Variants in FRMD6 observed in about 807,000 individuals in gnomAD.
FRMD6 encodes the protein FERM domain containing 6.
FRMD6 carries 37 observed loss-of-function variants against 73.2 expected under a neutral mutation model. That is an observed-to-expected ratio of 0.51 (90% CI 0.39 to 0.66). The LOEUF (loss-of-function observed/expected upper bound fraction) is 0.66, where lower values mean the gene tolerates loss of function less well. FRMD6 is among the 30% of genes least tolerant of loss of function. The pLI, the probability that FRMD6 is intolerant of heterozygous loss-of-function variation, is 0.00. For missense variants in FRMD6, 714 were observed against 780.5 expected, an observed-to-expected ratio of 0.91 and a Z score of 1.02; for synonymous variants, 273 against 282.2, an observed-to-expected ratio of 0.97 and a Z score of 0.33.
the FRMD6 span, among the ~76,000 whole-genome samples, chr14:51,462,236 A>T: frequency 6.6e-6 from 1 of 152,228 alleles, no homozygotes; most frequent in Non-Finnish European, 1.5e-5. Flanking sequence ...TAAGTGTGTG[A>T]TCCAGTCATG....
chr14:51,513,479 C>T (rs969824437), intron 1 of FRMD6, among the ~76,000 whole-genome samples: 10 of 152,186 alleles, frequency 6.6e-5, no homozygotes, highest in Admixed American at 3.9e-4. Context: ...CAGAAAACCC[C>T]GGGCCAGGCC....
intron 1 of FRMD6, among the ~76,000 whole-genome samples, chr14:51,492,106 G>A (rs1188485188): frequency 1.3e-5 from 2 of 152,142 alleles, no homozygotes; most frequent in East Asian, 1.9e-4. Flanking sequence ...TGCTGTTTCC[G>A]GAGACAGAGT....
intron 1 of FRMD6, among the ~76,000 whole-genome samples, chr14:51,556,029 C>G (rs188445963): frequency 6.6e-6 from 1 of 152,202 alleles, no homozygotes; most frequent in Non-Finnish European, 1.5e-5. Flanking sequence ...CTCAGCTACT[C>G]ATAATCTCCT....
intron 1 of FRMD6, among the ~76,000 whole-genome samples, chr14:51,550,556 C>T (rs909052170): frequency 6.8e-5 from 10 of 146,276 alleles, no homozygotes; most frequent in African/African-American, 2.3e-4. Context: ...GTGCCAGCCT[C>T]ATCAGAGGGC....
intron 1 of FRMD6, among the ~76,000 whole-genome samples, chr14:51,671,250 C>T (rs986992260): frequency 4.6e-5 from 7 of 151,634 alleles, no homozygotes; most frequent in Admixed American, 4.6e-4. Context: ...ATGATGGCCT[C>T]ATAGAAAGAG....
At chr14:51,700,975 A>G (rs1345755040) in intron 3 of FRMD6, 81 bp from the exon 4 acceptor site, 2 of 639,158 alleles carry the variant, frequency 3.1e-6, no homozygotes, top group Non-Finnish European at 2.5e-6. Flanking sequence ...GAGGCTTTAA[A>G]AGAAACTTGT....
the FRMD6 span, among the ~76,000 whole-genome samples, chr14:51,398,962 C>A: frequency 5.1e-3 from 781 of 152,276 alleles, 4 homozygotes; most frequent in African/African-American, 0.018. Flanking sequence ...CTAAGTCTCT[C>A]CAGGATCGGG....
intron 2 of FRMD6, chr14:51,576,332 A>T (rs1888401921): frequency 6.6e-6 from 1 of 152,138 alleles, no homozygotes. Context: ...AGGCCAGGGG[A>T]TCTGATGGGT....
the FRMD6 span, among the ~76,000 whole-genome samples, chr14:51,452,940 T>C: frequency 6.6e-6 from 1 of 152,006 alleles, no homozygotes. Flanking sequence ...CTCTCAGTGG[T>C]TTGATTGTGG....
intron 2 of FRMD6, among the ~76,000 whole-genome samples, chr14:51,697,074 A>G (rs1446552777): frequency 6.6e-6 from 1 of 152,206 alleles, no homozygotes; most frequent in Non-Finnish European, 1.5e-5. Context: ...GGGAATGTAA[A>G]TTAGTACAGA....
the FRMD6 span, among the ~76,000 whole-genome samples, chr14:51,398,295 C>T: frequency 3.9e-5 from 6 of 152,096 alleles, no homozygotes; most frequent in South Asian, 2.1e-4. Flanking sequence ...TCCCCACCCA[C>T]GATCCCCTCC....
At chr14:51,548,053 G>T (rs1051162575) in intron 1 of FRMD6, among the ~76,000 whole-genome samples, 1 of 152,102 alleles carries the variant, frequency 6.6e-6, no homozygotes, top group Non-Finnish European at 1.5e-5. Flanking sequence ...ATGTGTGCCC[G>T]CATCAAGCAG....
chr14:51,572,021 GT>G (rs781012407), intron 2 of FRMD6, among the ~76,000 whole-genome samples: 86 of 152,362 alleles, frequency 5.6e-4, no homozygotes, highest in Non-Finnish European at 7.9e-4. Flanking sequence ...TTCTATGAAG[GT>G]TTGTTATTAT....
intron 7 of FRMD6, among the ~76,000 whole-genome samples, chr14:51,708,929 G>A (rs1017246800): frequency 2.6e-5 from 4 of 152,160 alleles, no homozygotes; most frequent in Admixed American, 6.5e-5. Context: ...TTTGTGTCCC[G>A]TGTATCTCTA....
At chr14:51,475,092 T>C in the FRMD6 span, among the ~76,000 whole-genome samples, 1 of 152,184 alleles carries the variant, frequency 6.6e-6, no homozygotes, top group South Asian at 2.1e-4. Context: ...ACAATGCTTG[T>C]TTAAGCTAGC....
rs112310366 is a variant in FRMD6, at chr14:51,700,402, G to C, written c.191-654G>C. Reference sequence around the variant, plus strand: ...GTTCACCTTATGAGCATCATCCCCTGGAAGGGATGTTTTGGCATCCATACT... The same window carrying C: ...GTTCACCTTATGAGCATCATCCCCTCGAAGGGATGTTTTGGCATCCATACT... On this transcript the variant is annotated intron_variant, in intron 3 of 13. Transcript: ENST00000344768. Among the ~76,000 whole-genome samples the C allele has an allele frequency of 6.8e-3, 1,027 of 152,068 alleles. 14 individuals carry two copies. Among genetic ancestry groups the C allele is most frequent in the African/African-American group, 0.024 (981 of 41,532 alleles).
At chr14:51,402,464 C>A in the FRMD6 span, among the ~76,000 whole-genome samples, 2 of 152,002 alleles carry the variant, frequency 1.3e-5, no homozygotes, top group Non-Finnish European at 2.9e-5. Flanking sequence ...GTTTTAAAAA[C>A]GGGAGTTTCC....
At chr14:51,616,580 G>A (rs1469756678) in intron 2 of FRMD6, among the ~76,000 whole-genome samples, 1 of 152,166 alleles carries the variant, frequency 6.6e-6, no homozygotes, top group Non-Finnish European at 1.5e-5. Flanking sequence ...TGTTATGCTG[G>A]TGAAGGAAGC....
chr14:51,482,287 G>T, the FRMD6 span, among the ~76,000 whole-genome samples: 1 of 151,926 alleles, frequency 6.6e-6, no homozygotes, highest in African/African-American at 2.4e-5. Context: ...CAAGCAGAGT[G>T]CAGGGCCTCC....
Sources: gnomAD v4.1 joint callset for allele counts (sites outside exome capture counted in the v4.1 genomes callset) on GRCh38, gnomAD v4.1.1 for gene constraint, MANE v1.5 for transcripts, NCBI Gene and HGNC (gene_info 2026-07-23, HGNC 2026-07-21) for gene names.